The following TBC1D22A variants were observed in gnomAD, a reference collection of about 807,000 sequenced individuals.
TBC1D22A encodes the protein putative GTPase activator.
In TBC1D22A, 38 loss-of-function variants were observed where a neutral mutation model predicts 60.2. The ratio of observed to expected loss-of-function variants is 0.63; its 90% CI spans 0.49 to 0.83. TBC1D22A has a LOEUF of 0.83. Ranked by LOEUF, TBC1D22A falls within the 40% of genes least tolerant of loss-of-function variation. TBC1D22A has a pLI of 0.00. For synonymous variants in TBC1D22A, 302 were observed against 281.7 expected (o/e 1.07, Z -0.72); for missense variants, 628 against 701.0 (o/e 0.90, Z 1.18).
rs981804858 is a variant in TBC1D22A, at chr22:47,028,319, C to T, written c.1202-8752C>T. Among the ~76,000 whole-genome samples, 1 of 152,170 alleles carries T rather than the reference C, an allele frequency of 6.6e-6. No homozygotes were observed. The highest frequency in any genetic ancestry group is 1.5e-5 in the Non-Finnish European group (1 of 68,034). On this transcript the variant is annotated intron_variant, in intron 10 of 12. Transcript: ENST00000337137. The surrounding 1 kb of genome is among the most constrained non-coding windows in gnomAD (Gnocchi z 4.4). ...TACTGAGATTCTGAGAGTGAGTGGT[C>T]GCGTTCCTGTCCCTCGGTCCCTGTC... is the stretch of plus-strand genomic sequence containing the variant.
Position 46,866,846 on chromosome 22 carries a change from G to T in TBC1D22A, c.638-11807G>T, listed in dbSNP as rs146962774. Among the ~76,000 whole-genome samples, 591 of 152,322 alleles carry T rather than the reference G, an allele frequency of 3.9e-3. 4 individuals carry two copies. The highest frequency in any genetic ancestry group is 6.8e-3 in the Middle Eastern group (2 of 294). On this transcript the variant is annotated intron_variant, in intron 4 of 12. Transcript: ENST00000337137. ...CGGAAGCGTTAACTTGCTGTGATCCGCAAGAGCTTGTATCCTTACTGTTTT... is the reference window on the plus strand; with the variant it reads ...CGGAAGCGTTAACTTGCTGTGATCCTCAAGAGCTTGTATCCTTACTGTTTT...
intron 11 of TBC1D22A, among the ~76,000 whole-genome samples, chr22:47,076,801 ATCATC>A (rs1249291881): frequency 5.1e-4 from 78 of 152,316 alleles, no homozygotes; most frequent in African/African-American, 1.8e-3. Context: ...AAAAAAGAAT[ATCATC>A]TCCCTGTGAC....
At chr22:46,829,695 C>T (rs2086224514) in intron 4 of TBC1D22A, among the ~76,000 whole-genome samples, 2 of 152,180 alleles carry the variant, frequency 1.3e-5, no homozygotes, top group Admixed American at 1.3e-4. Flanking sequence ...ATTATTCATC[C>T]CGATGGGGCC....
chr22:47,077,103 C>T (rs990087683), intron 11 of TBC1D22A, among the ~76,000 whole-genome samples: 1 of 152,156 alleles, frequency 6.6e-6, no homozygotes, highest in African/African-American at 2.4e-5. Flanking sequence ...GGCACATGAC[C>T]ACTTGTTCCT....
At chr22:46,960,850 G>C (rs560480318) in intron 8 of TBC1D22A, among the ~76,000 whole-genome samples, 1 of 151,698 alleles carries the variant, frequency 6.6e-6, no homozygotes, top group Admixed American at 6.6e-5. Context: ...GGGAGGCTGA[G>C]GCAGGAGAAT....
chr22:47,069,435 C>G (rs1409506404), intron 11 of TBC1D22A, among the ~76,000 whole-genome samples: 1 of 152,228 alleles, frequency 6.6e-6, no homozygotes, highest in African/African-American at 2.4e-5. Context: ...GCTTCCACTG[C>G]TGTGTCCTCT....
intron 4 of TBC1D22A, among the ~76,000 whole-genome samples, chr22:46,876,135 G>A (rs1227263627): frequency 3.3e-5 from 5 of 152,178 alleles, no homozygotes; most frequent in Admixed American, 6.5e-5. Flanking sequence ...ACACCATAGG[G>A]CGTACAGTGG....
intron 11 of TBC1D22A, among the ~76,000 whole-genome samples, chr22:47,101,842 C>T (rs866855750): frequency 2.0e-5 from 3 of 152,196 alleles, no homozygotes; most frequent in African/African-American, 7.2e-5. Context: ...CCCACTACAT[C>T]GTACCCATTG....
At chr22:46,985,022 G>A (rs1217994120) in intron 9 of TBC1D22A, among the ~76,000 whole-genome samples, 1 of 152,172 alleles carries the variant, frequency 6.6e-6, no homozygotes, top group African/African-American at 2.4e-5. Context: ...AGTTGAGGGG[G>A]GAGCCTCCGC....
Position 46,830,520 on chromosome 22 carries a change from A to G in TBC1D22A, c.637+32900A>G, listed in dbSNP as rs542466750. ...GTGCAGTCTGTCTGGGACCGCTCCC[A>G]TGGCACAGAGCAGAAGCAAAGGGCT... On this transcript the variant is annotated intron_variant, in intron 4 of 12. Transcript: ENST00000337137. Among the ~76,000 whole-genome samples, 9 of 152,366 alleles carry G rather than the reference A, an allele frequency of 5.9e-5. No homozygotes were observed. In the East Asian group the frequency reaches 1.7e-3, roughly 29 times the overall value.
At chr22:46,789,887 G>A (rs920166519) in intron 1 of TBC1D22A, among the ~76,000 whole-genome samples, 1 of 152,210 alleles carries the variant, frequency 6.6e-6, no homozygotes, top group Non-Finnish European at 1.5e-5. Flanking sequence ...GATTGAACTA[G>A]CACACGGCAA....
chr22:46,800,903 C>T (rs1446422046), intron 4 of TBC1D22A, among the ~76,000 whole-genome samples: 1 of 152,178 alleles, frequency 6.6e-6, no homozygotes, highest in Admixed American at 6.5e-5. Flanking sequence ...GGAGAGACAG[C>T]TGGTGAAAGC....
intron 8 of TBC1D22A, among the ~76,000 whole-genome samples, chr22:46,958,499 T>C (rs1050480891): frequency 2.6e-5 from 4 of 152,188 alleles, no homozygotes; most frequent in African/African-American, 4.8e-5. Context: ...CGTCTCACCG[T>C]TGGAGAGCTG....
intron 8 of TBC1D22A, among the ~76,000 whole-genome samples, chr22:46,926,908 T>A (rs1476862519): frequency 2.0e-5 from 3 of 152,214 alleles, no homozygotes; most frequent in Non-Finnish European, 4.4e-5. Flanking sequence ...CATCAATAAT[T>A]TAAATAATGT....
chr22:46,956,948 C>T (rs1267014741), intron 8 of TBC1D22A, among the ~76,000 whole-genome samples: 2 of 152,168 alleles, frequency 1.3e-5, no homozygotes, highest in South Asian at 2.1e-4. Context: ...GTGTGGGAGT[C>T]GGGCAGGTAA....
rs893871136 is a variant in TBC1D22A at position 47,077,683 on chromosome 22, C to T, written c.1330-33825C>T. ...GGAGTGAGACAAGTGAAGAGGCAGTCGCACTGCAGAGCACCGAAGGCTGCG... is the reference window on the plus strand; with the variant it reads ...GGAGTGAGACAAGTGAAGAGGCAGTTGCACTGCAGAGCACCGAAGGCTGCG... On this transcript the variant is annotated intron_variant, in intron 11 of 12. Transcript: ENST00000337137. Among the ~76,000 whole-genome samples the T allele has an allele frequency of 3.3e-5, 5 of 152,298 alleles. No individual in the cohort carries two copies. The East Asian group carries it at 5.8e-4, about 18-fold the overall frequency.
At chr22:46,968,679 C>T (rs2073928205) in intron 8 of TBC1D22A, among the ~76,000 whole-genome samples, 1 of 152,214 alleles carries the variant, frequency 6.6e-6, no homozygotes, top group South Asian at 2.1e-4. Flanking sequence ...GGGCAGCCTT[C>T]ATCACCAGGA....
intron 10 of TBC1D22A, among the ~76,000 whole-genome samples, chr22:47,029,853 A>C (rs1451376720): frequency 1.3e-5 from 2 of 152,210 alleles, no homozygotes; most frequent in African/African-American, 2.4e-5. Flanking sequence ...TTGAGCTGTC[A>C]GCCCCAGACT....
chr22:46,821,653 T>C (rs2085836834), intron 4 of TBC1D22A, among the ~76,000 whole-genome samples: 1 of 152,224 alleles, frequency 6.6e-6, no homozygotes, highest in African/African-American at 2.4e-5. Flanking sequence ...CCTTTCTCTC[T>C]GGCTGTTCTT....
Sources: allele counts gnomAD v4.1 joint callset (sites outside exome capture counted in the v4.1 genomes callset), GRCh38; gene constraint gnomAD v4.1.1; non-coding constraint Gnocchi (gnomAD v3.1); transcripts MANE v1.5; gene names NCBI Gene and HGNC (gene_info 2026-07-23, HGNC 2026-07-21).